FBXO40: variants seen among roughly 807,000 people sequenced by gnomAD.
The protein encoded by FBXO40 is F-box only protein 40.
In FBXO40, 50 loss-of-function variants were observed where a neutral mutation model predicts 49.9. The observed-to-expected ratio is 1.00, with a 90% CI of 0.80 to 1.27. The LOEUF (loss-of-function observed/expected upper bound fraction) is 1.27, where lower values mean the gene tolerates loss of function less well. FBXO40 is among the 50% of genes most tolerant of loss of function. The pLI, the probability that FBXO40 is intolerant of heterozygous loss-of-function variation, is 0.00. For synonymous variants in FBXO40, 340 were observed against 320.2 expected (o/e 1.06, Z -0.66); for missense variants, 895 against 870.1 (o/e 1.03, Z -0.36).
chr3:121,613,054 A>G (rs1373667936), intron 1 of FBXO40, among the ~76,000 whole-genome samples: 1 of 147,174 alleles, frequency 6.8e-6, no homozygotes, highest in Non-Finnish European at 1.5e-5. Context: ...TGGGCGACAG[A>G]GCAAGACTCC....
At chr3:121,599,724 ATTTT>A (rs753693720) in intron 1 of FBXO40, among the ~76,000 whole-genome samples, 2,717 of 96,704 alleles carry the variant, frequency 0.028, 35 homozygotes, top group African/African-American at 0.053. Flanking sequence ...ATATATATAT[ATTTT>A]TTTTTTTTTT....
At position 121,626,925 on chromosome 3, in the gene FBXO40, C is replaced by T. The variant is rs202178841; in HGVS notation, c.*15C>T. On this transcript the variant is annotated 3_prime_UTR_variant, in exon 4 of 4. Transcript: ENST00000338040. Reference sequence around the variant, plus strand: ...ACGTCTCCTAAAAATTCAGATGCCACTCGATGCACCCTTCTTGGATTTCTT... The same window carrying T: ...ACGTCTCCTAAAAATTCAGATGCCATTCGATGCACCCTTCTTGGATTTCTT... 38 of 1,610,036 alleles carry T rather than the reference C, an allele frequency of 2.4e-5. No individual in the cohort carries two copies. The East Asian group carries it at 8.5e-4, about 36-fold the overall frequency.
intron 1 of FBXO40, among the ~76,000 whole-genome samples, chr3:121,605,335 T>G (rs1251950775): frequency 3.9e-5 from 6 of 152,152 alleles, no homozygotes; most frequent in Non-Finnish European, 8.8e-5. Context: ...TGGCCAAAGA[T>G]TGGTGCCACA....
At chr3:121,598,188 G>A (rs2048882330) in intron 1 of FBXO40, among the ~76,000 whole-genome samples, 1 of 152,162 alleles carries the variant, frequency 6.6e-6, no homozygotes, top group Non-Finnish European at 1.5e-5. Context: ...CAGGTACACA[G>A]GCCCTGTGCT....
rs781586775 is a variant in FBXO40 at position 121,622,497 on chromosome 3, CT to C, written c.1069del (p.Cys357ValfsTer12). On this transcript the variant is annotated frameshift_variant, in exon 3 of 4. Transcript: ENST00000338040. LOFTEE classifies it high-confidence loss of function. ...VYTFKVPVSYCGKRARLGDAM... is the reference protein window; with the variant it reads ...VYTFKVPVSYXGKRARLGDAM... ...ACACCTTCAAAGTTCCTGTGAGCTA[CT>C]GTGGAAAGCGAGCTCGACTTGGAGA... 7.4e-6 allele frequency: 12 copies of C among 1,614,098 alleles called. No homozygotes were observed. The East Asian group carries it at 1.1e-4, about 15-fold the overall frequency.
rs760595092 is a variant in FBXO40 at position 121,621,897 on chromosome 3, G to A, written c.468G>A (p.Glu156=). 6.2e-7 allele frequency: 1 copy of A among 1,614,212 alleles called. No individual in the cohort carries two copies. The highest frequency in any genetic ancestry group is 1.7e-5 in the Admixed American group (1 of 60,024). ...CAGAAACTAGAGAGGCTACTGAGGA[G>A]GAACCAACTATGAATGGTGAAACCA... The part of the protein sequence containing the change: ...LFPETREATE[E]EPTMNGETSV... Residue 156 remains glutamate, a synonymous_variant, in exon 3 of 4, where the codon GAG becomes GAA. Transcript: ENST00000338040.
At chr3:121,606,656 G>A (rs1454205751) in intron 1 of FBXO40, among the ~76,000 whole-genome samples, 2 of 152,178 alleles carry the variant, frequency 1.3e-5, no homozygotes, top group Non-Finnish European at 2.9e-5. Flanking sequence ...AGTTAGGAAA[G>A]GCCTTCCATA....
At chr3:121,594,061 T>C (rs776428071) in intron 1 of FBXO40, among the ~76,000 whole-genome samples, 4 of 152,036 alleles carry the variant, frequency 2.6e-5, no homozygotes, top group Non-Finnish European at 4.4e-5. Flanking sequence ...AGAGACAGAG[T>C]TTCACCTTGA....
At chr3:121,616,596 A>C (rs2048998563) in intron 1 of FBXO40, among the ~76,000 whole-genome samples, 1 of 152,208 alleles carries the variant, frequency 6.6e-6, no homozygotes, top group African/African-American at 2.4e-5. Context: ...AGGTTTAGCA[A>C]GCATCACAGC....
chr3:121,618,048 G>T (rs2049007911), intron 1 of FBXO40, among the ~76,000 whole-genome samples: 1 of 152,014 alleles, frequency 6.6e-6, no homozygotes, highest in Non-Finnish European at 1.5e-5. Flanking sequence ...AAAGAAAAGT[G>T]TTTGAGGTGA....
At chr3:121,602,840 C>T (rs1166123428) in intron 1 of FBXO40, among the ~76,000 whole-genome samples, 1 of 152,032 alleles carries the variant, frequency 6.6e-6, no homozygotes, top group Non-Finnish European at 1.5e-5. Context: ...CATTACACTG[C>T]ATGTTAAGAG....
intron 1 of FBXO40, among the ~76,000 whole-genome samples, chr3:121,617,399 T>G (rs1344761377): frequency 1.3e-5 from 2 of 151,570 alleles, no homozygotes; most frequent in Non-Finnish European, 2.9e-5. Flanking sequence ...ATCGAGACCA[T>G]CCTGGACAAC....
chr3:121,626,978 G>C lies in FBXO40; in HGVS notation c.*68G>C. The C allele has an allele frequency of 6.6e-7, 1 of 1,504,416 alleles. No individual in the cohort carries two copies. The highest frequency in any genetic ancestry group is 9.2e-7 in the Non-Finnish European group (1 of 1,089,104). The allele number at this position is 1,504,416 out of a possible 1,614,324, so 93.2% of individuals were successfully genotyped here. A position where few individuals can be genotyped will look rare whatever the true frequency, so the allele number is the denominator to read the frequency against. ...CGGAGTTCCTGAAGTAGGACAGAGT[G>C]TGTGGTTTTGAGGACTCCCTTCTGT... On this transcript the variant is annotated 3_prime_UTR_variant, in exon 4 of 4. Coordinates refer to ENST00000338040, the MANE Select transcript of FBXO40 (RefSeq NM_016298.4).
At chr3:121,594,553 T>C (rs2048861762) in intron 1 of FBXO40, among the ~76,000 whole-genome samples, 1 of 152,202 alleles carries the variant, frequency 6.6e-6, no homozygotes, top group Non-Finnish European at 1.5e-5. Context: ...CCAGTCAACA[T>C]TTGCTATGTT....
chr3:121,617,124 A>G (rs1187594802), intron 1 of FBXO40, among the ~76,000 whole-genome samples: 3 of 152,190 alleles, frequency 2.0e-5, no homozygotes, highest in African/African-American at 7.2e-5. Context: ...GCTAGCAACA[A>G]TGTATTGTGT....
At chr3:121,617,616 T>A (rs2049005359) in intron 1 of FBXO40, among the ~76,000 whole-genome samples, 2 of 151,742 alleles carry the variant, frequency 1.3e-5, no homozygotes, top group African/African-American at 2.4e-5. Flanking sequence ...ACAAAATTTT[T>A]TAAAAAATAA....
rs569445227 is a variant in FBXO40, at chr3:121,626,239, G to T, written c.1915-456G>T. ...AATAATGGCTACATTGTAAGATAGTGCTCACTCGGTGGTCTCTGGTGATTG... is the reference window on the plus strand; with the variant it reads ...AATAATGGCTACATTGTAAGATAGTTCTCACTCGGTGGTCTCTGGTGATTG... On this transcript the variant is annotated intron_variant, in intron 3 of 3. Coordinates refer to ENST00000338040, the MANE Select transcript of FBXO40 (RefSeq NM_016298.4). Among the ~76,000 whole-genome samples the T allele has an allele frequency of 5.9e-5, 9 of 152,178 alleles. No individual in the cohort carries two copies. In the South Asian group the frequency reaches 1.9e-3, roughly 32 times the overall value.
At chr3:121,617,752 C>T (rs1227851760) in intron 1 of FBXO40, among the ~76,000 whole-genome samples, 1 of 152,156 alleles carries the variant, frequency 6.6e-6, no homozygotes, top group East Asian at 1.9e-4. Flanking sequence ...GTAATCTCAG[C>T]ACTTTTGGAG....
intron 1 of FBXO40, among the ~76,000 whole-genome samples, chr3:121,620,280 A>G (rs1292608625): frequency 1.3e-5 from 2 of 152,218 alleles, no homozygotes; most frequent in Non-Finnish European, 2.9e-5. Context: ...ATGCCCTATC[A>G]GAGGGCAGCG....
Sources: gnomAD v4.1 joint callset for allele counts (sites outside exome capture counted in the v4.1 genomes callset) on GRCh38, gnomAD v4.1.1 for gene constraint, MANE v1.5 for transcripts, NCBI Gene and HGNC (gene_info 2026-07-23, HGNC 2026-07-21) for gene names.